SLAMF6: variants seen among roughly 807,000 people sequenced by gnomAD.
SLAMF6 encodes NK-T-B-antigen.
Under a neutral mutation model 38.3 loss-of-function variants are expected in SLAMF6, and 21 were observed. The ratio of observed to expected loss-of-function variants is 0.55; its 90% CI spans 0.39 to 0.79. The LOEUF (loss-of-function observed/expected upper bound fraction) is 0.79, where lower values mean the gene tolerates loss of function less well. SLAMF6 is among the 30% of genes least tolerant of loss of function. SLAMF6 has a pLI of 0.00. For synonymous variants in SLAMF6, 152 were observed against 146.3 expected (o/e 1.04, Z -0.28); for missense variants, 341 against 385.3 (o/e 0.89, Z 0.96).
chr1:160,517,293 T>C (rs1654789707), intron 1 of SLAMF6, among the ~76,000 whole-genome samples: 1 of 151,962 alleles, frequency 6.6e-6, no homozygotes, highest in Non-Finnish European at 1.5e-5. Flanking sequence ...AAAAATACAA[T>C]TGAAAACCAC....
chr1:160,498,891 C>A (rs1293259997), intron 1 of SLAMF6, among the ~76,000 whole-genome samples: 1 of 152,056 alleles, frequency 6.6e-6, no homozygotes, highest in African/African-American at 2.4e-5. Flanking sequence ...ATGTCCTTTG[C>A]CCATTTTTTA....
Position 160,523,215 on chromosome 1 carries a change from G to T in SLAMF6, c.-23C>A, listed in dbSNP as rs1339479907. 1.2e-6 allele frequency: 2 copies of T among 1,611,134 alleles called. No homozygotes were observed. Among genetic ancestry groups the T allele is most frequent in the Non-Finnish European group, 1.7e-6 (2 of 1,178,738 alleles). The stretch of plus-strand genomic sequence containing the variant: ...CATGCTTTCCGCGGTGAAGACTGGT[G>T]CTTGAGACCTTGAGGCAGTCAATGT... On this transcript the variant is annotated 5_prime_UTR_variant, in exon 1 of 8. Coordinates refer to ENST00000368057, the MANE Select transcript of SLAMF6 (RefSeq NM_001184714.2).
intron 1 of SLAMF6, among the ~76,000 whole-genome samples, chr1:160,518,635 G>A (rs1460691221): frequency 2.0e-5 from 3 of 152,106 alleles, no homozygotes. Flanking sequence ...CATGGATGAA[G>A]CCAGAAGCCA....
In SLAMF6 at chr1:160,491,215, TGGGGTCCCAGGAGACAGTGA is replaced by T; in HGVS notation, c.536_555del (p.Leu179GlnfsTer5). ...GTGTAGTCCTGTTCACTGGAAATCC[TGGGGTCCCAGGAGACAGTGA>T]GGTTTGGCTGACTTGAAAGTGTGTT... On this transcript the variant is annotated frameshift_variant, in exon 3 of 8. Transcript: ENST00000368057. LOFTEE classifies it high-confidence loss of function. 6.2e-7 allele frequency: 1 copy of T among 1,614,082 alleles called. No homozygotes were observed. Among genetic ancestry groups the T allele is most frequent in the Non-Finnish European group, 8.5e-7 (1 of 1,179,984 alleles).
intron 1 of SLAMF6, among the ~76,000 whole-genome samples, chr1:160,515,605 A>C (rs1230618556): frequency 1.3e-5 from 2 of 152,224 alleles, no homozygotes. Context: ...AAAAATTCTC[A>C]ATAAAATACT....
chr1:160,504,492 A>C (rs779009613), intron 1 of SLAMF6, among the ~76,000 whole-genome samples: 3 of 152,120 alleles, frequency 2.0e-5, no homozygotes, highest in Admixed American at 6.5e-5. Flanking sequence ...AGCCGTCTAC[A>C]TTTTCAGTAG....
intron 7 of SLAMF6, 134 bp downstream of exon 7, chr1:160,486,970 G>A (rs1368520448): frequency 1.1e-6 from 1 of 944,884 alleles, no homozygotes; most frequent in Non-Finnish European, 1.6e-6. Flanking sequence ...TTTTGGTGAT[G>A]TCCTGAGACT....
intron 1 of SLAMF6, among the ~76,000 whole-genome samples, chr1:160,507,488 A>T (rs929887930): frequency 6.6e-6 from 1 of 152,132 alleles, no homozygotes; most frequent in Admixed American, 6.6e-5. Context: ...ACAACTAGAG[A>T]GAAGATCAAT....
At chr1:160,502,309 T>C (rs1054997527) in intron 1 of SLAMF6, among the ~76,000 whole-genome samples, 2 of 152,200 alleles carry the variant, frequency 1.3e-5, no homozygotes, top group East Asian at 1.9e-4. Context: ...TGGGGACTCA[T>C]GGGAAGCTTT....
At chr1:160,492,530 T>C (rs1653358957) in intron 2 of SLAMF6, among the ~76,000 whole-genome samples, 1 of 152,174 alleles carries the variant, frequency 6.6e-6, no homozygotes, top group Admixed American at 6.6e-5. Flanking sequence ...AGTACAGGGA[T>C]GGCAAATATT....
intron 1 of SLAMF6, among the ~76,000 whole-genome samples, chr1:160,518,866 A>G (rs1401142652): frequency 6.6e-6 from 1 of 152,166 alleles, no homozygotes; most frequent in Non-Finnish European, 1.5e-5. Flanking sequence ...CCACCAGGGC[A>G]CATGTTTACC....
Position 160,496,109 on chromosome 1 carries a change from A to G in SLAMF6, c.334T>C (p.Ser112Pro). The G allele has an allele frequency of 3.1e-6, 5 of 1,613,872 alleles. No individual in the cohort carries two copies. The highest frequency in any genetic ancestry group is 4.2e-6 in the Non-Finnish European group (5 of 1,179,896). Residue 112 changes from serine to proline, a missense_variant, in exon 2 of 8, where the codon TCC (serine) becomes CCC (proline). Physicochemically the swap from Ser to Pro is moderately conservative, Grantham distance 74. Transcript: ENST00000368057. ...EDTGSYRAQI[S>P]TKTSAKLSSY... ...GACAGCTTTGCAGAGGTCTTTGTGG[A>G]TATCTGGGCTCTGTAAGAGCCTGTG...
chr1:160,486,841 C>A, intron 7 of SLAMF6, 87 bp from the exon 8 acceptor site: 1 of 1,453,712 alleles, frequency 6.9e-7, no homozygotes, highest in Non-Finnish European at 9.6e-7. Flanking sequence ...GGACTGGAGA[C>A]TACAGAGAGG....
intron 1 of SLAMF6, among the ~76,000 whole-genome samples, chr1:160,508,771 G>A (rs1007374887): frequency 2.0e-5 from 3 of 151,614 alleles, no homozygotes; most frequent in Admixed American, 6.6e-5. Context: ...CTGACCAAGC[G>A]CTAATATCTA....
chr1:160,519,317 GTGTT>G (rs1654882455), intron 1 of SLAMF6, among the ~76,000 whole-genome samples: 1 of 152,166 alleles, frequency 6.6e-6, no homozygotes, highest in Non-Finnish European at 1.5e-5. Context: ...AAAAAAACAA[GTGTT>G]GATGAGGATG....
At chr1:160,504,663 G>A (rs1654087263) in intron 1 of SLAMF6, among the ~76,000 whole-genome samples, 1 of 152,198 alleles carries the variant, frequency 6.6e-6, no homozygotes, top group African/African-American at 2.4e-5. Context: ...TAGCCATGCA[G>A]AGGACATTTC....
At chr1:160,491,769 T>C (rs1653318000) in intron 2 of SLAMF6, among the ~76,000 whole-genome samples, 1 of 152,264 alleles carries the variant, frequency 6.6e-6, no homozygotes, top group Non-Finnish European at 1.5e-5. Flanking sequence ...CCAAGAACTC[T>C]GAGGGCAACT....
At chr1:160,519,079 C>T (rs980468412) in intron 1 of SLAMF6, among the ~76,000 whole-genome samples, 2 of 152,060 alleles carry the variant, frequency 1.3e-5, no homozygotes, top group African/African-American at 4.8e-5. Flanking sequence ...GGTCTGGTTC[C>T]AAGAATGTAT....
chr1:160,515,705 G>T (rs563929777), intron 1 of SLAMF6, among the ~76,000 whole-genome samples: 1 of 152,258 alleles, frequency 6.6e-6, no homozygotes, highest in Non-Finnish European at 1.5e-5. Context: ...TTCAACATAT[G>T]CAAATCAATA....
Sources: gnomAD v4.1 joint callset for allele counts (sites outside exome capture counted in the v4.1 genomes callset) on GRCh38, gnomAD v4.1.1 for gene constraint, MANE v1.5 for transcripts, NCBI Gene and HGNC (gene_info 2026-07-23, HGNC 2026-07-21) for gene names.